Variants in PARD3B observed in about 807,000 individuals in gnomAD.
PARD3B encodes the protein par-3 family cell polarity regulator beta, also known as partitioning defective 3 homolog B.
In PARD3B, 103 loss-of-function variants were observed where a neutral mutation model predicts 130.2. That is an observed-to-expected ratio of 0.79 (90% CI 0.67 to 0.93). The LOEUF (loss-of-function observed/expected upper bound fraction) is 0.93, where lower values mean the gene tolerates loss of function less well. PARD3B is among the 40% of genes least tolerant of loss of function. PARD3B has a pLI of 0.00. For synonymous variants in PARD3B, 583 were observed against 553.2 expected (o/e 1.05, Z -0.76); for missense variants, 1,609 against 1,499.2 (o/e 1.07, Z -1.21).
At chr2:205,036,508 TA>T (rs577488985) in intron 3 of PARD3B, among the ~76,000 whole-genome samples, 25 of 147,816 alleles carry the variant, frequency 1.7e-4, no homozygotes, top group South Asian at 6.4e-4. Context: ...AGACTATATA[TA>T]AAAAATATAT....
intron 18 of PARD3B, among the ~76,000 whole-genome samples, chr2:205,320,259 G>A (rs988028089): frequency 1.4e-5 from 2 of 141,464 alleles, no homozygotes; most frequent in Admixed American, 1.4e-4. Context: ...AAGGAAGGAA[G>A]GAAAGAAGGA....
intron 2 of PARD3B, among the ~76,000 whole-genome samples, chr2:204,961,511 A>G (rs1462640841): frequency 1.3e-5 from 2 of 152,182 alleles, no homozygotes; most frequent in Non-Finnish European, 2.9e-5. Flanking sequence ...TTGACATGTT[A>G]GATTAGGAAA....
At chr2:205,418,370 A>T (rs978699058) in intron 19 of PARD3B, among the ~76,000 whole-genome samples, 10 of 152,178 alleles carry the variant, frequency 6.6e-5, no homozygotes, top group African/African-American at 2.4e-4. Flanking sequence ...CACATGAGGG[A>T]AATGGCAAGA....
At position 205,525,249 on chromosome 2, in the gene PARD3B, C is replaced by A. The variant is rs2051284482; in HGVS notation, c.3180+25218C>A. Among the ~76,000 whole-genome samples the A allele has an allele frequency of 6.6e-6, 1 of 152,136 alleles. No individual in the cohort carries two copies. Among genetic ancestry groups the A allele is most frequent in the South Asian group, 2.1e-4 (1 of 4,830 alleles). On this transcript the variant is annotated intron_variant, in intron 21 of 22. Coordinates refer to ENST00000406610, the MANE Select transcript of PARD3B (RefSeq NM_001302769.2). The surrounding 1 kb of genome is among the most constrained non-coding windows in gnomAD (Gnocchi z 4.2). ...AAAACAAGAGACATGGTATGTAAAA[C>A]TTCCAAATTGGTTTCCTTACCACTC...
At chr2:204,567,160 T>G (rs1486098037) in intron 1 of PARD3B, among the ~76,000 whole-genome samples, 1 of 152,166 alleles carries the variant, frequency 6.6e-6, no homozygotes, top group Non-Finnish European at 1.5e-5. Flanking sequence ...GATTACAGGC[T>G]TGAGCCACTG....
intron 3 of PARD3B, among the ~76,000 whole-genome samples, chr2:205,018,749 A>AAAAAAAAAAG (rs1559359658): frequency 1.7e-4 from 21 of 120,018 alleles, no homozygotes; most frequent in South Asian, 2.8e-4. Flanking sequence ...AAAAAAAAAA[A>AAAAAAAAAAG]AGCACGCTGA....
At chr2:204,723,988 A>C (rs1474836750) in intron 2 of PARD3B, among the ~76,000 whole-genome samples, 1 of 152,192 alleles carries the variant, frequency 6.6e-6, no homozygotes, top group Non-Finnish European at 1.5e-5. Flanking sequence ...TAACACAAGA[A>C]CATGAAAAAT....
intron 3 of PARD3B, among the ~76,000 whole-genome samples, chr2:204,991,803 T>C (rs1483633718): frequency 6.6e-6 from 1 of 151,760 alleles, no homozygotes; most frequent in Non-Finnish European, 1.5e-5. Context: ...ATAGTGGTTT[T>C]GATTTGCATT....
chr2:204,585,417 C>G (rs528664559), intron 1 of PARD3B, among the ~76,000 whole-genome samples: 2 of 152,018 alleles, frequency 1.3e-5, no homozygotes, highest in African/African-American at 2.4e-5. Flanking sequence ...ACTGTAACCT[C>G]GAACTCCTGG....
chr2:204,885,248 A>G (rs1270295489), intron 2 of PARD3B, among the ~76,000 whole-genome samples: 1 of 151,990 alleles, frequency 6.6e-6, no homozygotes, highest in Non-Finnish European at 1.5e-5. Context: ...AGCTTTTTTC[A>G]TCTATTTGTT....
chr2:204,762,122 T>C lies in PARD3B; in HGVS notation c.222+75840T>C, dbSNP rs980465137. Reference sequence around the variant, plus strand: ...TTCTTTTCCTTCTTTTTCTATTTTTTTTTTTTTTTTTTTTTTTGAGATGGA... The same window carrying C: ...TTCTTTTCCTTCTTTTTCTATTTTTCTTTTTTTTTTTTTTTTTGAGATGGA... On this transcript the variant is annotated intron_variant, in intron 2 of 22. Coordinates refer to ENST00000406610, the MANE Select transcript of PARD3B (RefSeq NM_001302769.2). 3.0e-4 allele frequency among the ~76,000 whole-genome samples: 37 copies of C among 123,778 alleles called. No homozygotes were observed. The East Asian group carries it at 7.0e-3, about 23-fold the overall frequency. The allele number at this position is 123,778 out of a possible 152,430, so 81.2% of individuals were successfully genotyped here.
intron 2 of PARD3B, among the ~76,000 whole-genome samples, chr2:204,798,032 A>G (rs1008353803): frequency 6.6e-6 from 1 of 152,202 alleles, no homozygotes; most frequent in African/African-American, 2.4e-5. Context: ...TCCCTGTAGG[A>G]ACAACAGATA....
Position 204,906,151 on chromosome 2 carries a change from G to T in PARD3B, c.223-59001G>T, listed in dbSNP as rs1465036834. ...CAACTCTTATTTCTCATCTGGACTGGGTAGCTGGTTAAATAATTTTTCTGT... is the reference window on the plus strand; with the variant it reads ...CAACTCTTATTTCTCATCTGGACTGTGTAGCTGGTTAAATAATTTTTCTGT... On this transcript the variant is annotated intron_variant, in intron 2 of 22. Transcript: ENST00000406610. The surrounding 1 kb of genome is among the most constrained non-coding windows in gnomAD (Gnocchi z 4.3). 1.3e-5 allele frequency among the ~76,000 whole-genome samples: 2 copies of T among 152,160 alleles called. No individual in the cohort carries two copies. The highest frequency in any genetic ancestry group is 2.1e-4 in the South Asian group (1 of 4,820).
intron 6 of PARD3B, among the ~76,000 whole-genome samples, chr2:205,114,020 G>A (rs1244050470): frequency 6.6e-6 from 1 of 152,034 alleles, no homozygotes; most frequent in Admixed American, 6.6e-5. Flanking sequence ...AACATTTTAA[G>A]TAGCTATATC....
intron 15 of PARD3B, among the ~76,000 whole-genome samples, chr2:205,218,608 T>C (rs778482519): frequency 6.6e-6 from 1 of 152,140 alleles, no homozygotes; most frequent in Non-Finnish European, 1.5e-5. Flanking sequence ...TAAATCTCTT[T>C]CAAATTTTTA....
At chr2:205,609,022 G>A (rs2055126628) in intron 22 of PARD3B, among the ~76,000 whole-genome samples, 1 of 152,198 alleles carries the variant, frequency 6.6e-6, no homozygotes, top group African/African-American at 2.4e-5. Flanking sequence ...GGAAATGTGA[G>A]TGATGAAAGC....
intron 2 of PARD3B, among the ~76,000 whole-genome samples, chr2:204,948,999 A>G (rs1689554721): frequency 6.6e-6 from 1 of 152,238 alleles, no homozygotes; most frequent in Non-Finnish European, 1.5e-5. Flanking sequence ...AATGCTGTGT[A>G]GAATTTCCAG....
chr2:205,436,066 T>C (rs2047503492), intron 19 of PARD3B, among the ~76,000 whole-genome samples: 1 of 152,216 alleles, frequency 6.6e-6, no homozygotes, highest in Non-Finnish European at 1.5e-5. Flanking sequence ...TAGATGGTGC[T>C]GCCTAGGTTT....
chr2:205,391,250 G>A (rs1016830941), intron 18 of PARD3B, among the ~76,000 whole-genome samples: 4 of 152,000 alleles, frequency 2.6e-5, no homozygotes, highest in African/African-American at 9.7e-5. Context: ...AGGAAGAAGG[G>A]GATGTTGTGG....
Sources: allele counts gnomAD v4.1 joint callset (sites outside exome capture counted in the v4.1 genomes callset), GRCh38; gene constraint gnomAD v4.1.1; non-coding constraint Gnocchi (gnomAD v3.1); transcripts MANE v1.5; gene names NCBI Gene and HGNC (gene_info 2026-07-23, HGNC 2026-07-21).